Variants in DOCK8 observed in about 807,000 individuals in gnomAD.
DOCK8 encodes the protein dedicator of cytokinesis protein 8.
In DOCK8, 141 loss-of-function variants were observed where a neutral mutation model predicts 245.6. The ratio of observed to expected loss-of-function variants is 0.57; its 90% CI spans 0.50 to 0.66. The LOEUF is 0.66. Among genes scored for constraint, DOCK8 ranks in the 30% least tolerant of loss-of-function variants. DOCK8 has a pLI of 0.00. For missense variants in DOCK8, 2,965 were observed against 2,603.4 expected, an observed-to-expected ratio of 1.14 and a Z score of -3.02; for synonymous variants, 1,168 against 970.2, an observed-to-expected ratio of 1.20 and a Z score of -3.79.
intron 23 of DOCK8, among the ~76,000 whole-genome samples, chr9:388,087 C>A (rs543516715): frequency 7.2e-5 from 11 of 152,340 alleles, no homozygotes; most frequent in African/African-American, 2.6e-4. Context: ...TGTCTAATCT[C>A]TTCTTGCCAT....
chr9:434,854 C>T lies in DOCK8; in HGVS notation c.4958C>T (p.Thr1653Ile), dbSNP rs1401659010. The part of the protein sequence containing the change: ...TWLQNMAEKH[T>I]KKKCYTEAAM... ...CTCCAGAACATGGCAGAGAAACACACCAAGAAGAAGTGCTACACGGAGGCT... is the reference window on the plus strand; with the variant it reads ...CTCCAGAACATGGCAGAGAAACACATCAAGAAGAAGTGCTACACGGAGGCT... Residue 1653 changes from threonine (T) to isoleucine (I), a missense_variant, in exon 39 of 48, where the codon ACC (threonine) becomes ATC (isoleucine). Thr to Ile is a moderately conservative substitution (Grantham distance 89). Coordinates refer to ENST00000432829, the MANE Select transcript of DOCK8 (RefSeq NM_203447.4). The T allele has an allele frequency of 6.2e-7, 1 of 1,614,156 alleles. No individual in the cohort carries two copies. The highest frequency in any genetic ancestry group is 1.7e-5 in the Admixed American group (1 of 60,022).
intron 1 of DOCK8, among the ~76,000 whole-genome samples, chr9:255,183 C>G (rs907198913): frequency 6.6e-6 from 1 of 152,014 alleles, no homozygotes; most frequent in Non-Finnish European, 1.5e-5. Flanking sequence ...TATATGTGCC[C>G]AATTATAAGT....
At position 342,572 on chromosome 9, in the gene DOCK8, C is replaced by T. The variant is rs150257483; in HGVS notation, c.1679+2251C>T. On this transcript the variant is annotated intron_variant, in intron 14 of 47. Transcript: ENST00000432829. ...GCAACCTCCGCCTCACAGGTTCAAA[C>T]GATTCTCCTGACTCAGCTGCCCGAG... Among the ~76,000 whole-genome samples, 495 of 150,804 alleles carry T rather than the reference C, an allele frequency of 3.3e-3. 3 individuals carry two copies. The highest frequency in any genetic ancestry group is 0.011 in the African/African-American group (466 of 41,074).
chr9:286,081 T>G (rs1457501298), intron 2 of DOCK8, among the ~76,000 whole-genome samples: 3 of 152,216 alleles, frequency 2.0e-5, no homozygotes, highest in African/African-American at 7.2e-5. Flanking sequence ...CTCCGTTCCC[T>G]AGTTCACTGT....
At chr9:307,338 G>GTTTTTTTTTTTTTTTTT (rs1165775428) in intron 5 of DOCK8, among the ~76,000 whole-genome samples, 2 of 51,244 alleles carry the variant, frequency 3.9e-5, no homozygotes, top group African/African-American at 5.8e-5. Flanking sequence ...GGTTTTTTTT[G>GTTTTTTTTTTTTTTTTT]TTTTTTTTTT....
intron 1 of DOCK8, among the ~76,000 whole-genome samples, chr9:218,424 C>A (rs549578330): frequency 2.0e-5 from 3 of 152,162 alleles, no homozygotes. Context: ...CTTGTAAGTG[C>A]TATATACTTG....
intron 24 of DOCK8, among the ~76,000 whole-genome samples, chr9:392,553 G>A (rs2054247502): frequency 6.6e-6 from 1 of 152,212 alleles, no homozygotes; most frequent in Non-Finnish European, 1.5e-5. Context: ...TGTCTTCTCA[G>A]GTGACTTCTA....
chr9:234,456 T>TG (rs1342109397), intron 1 of DOCK8, among the ~76,000 whole-genome samples: 2 of 152,230 alleles, frequency 1.3e-5, no homozygotes. Context: ...CTTGCTAGAA[T>TG]GGGGGACTTC....
intron 24 of DOCK8, among the ~76,000 whole-genome samples, chr9:395,272 C>G (rs2054395303): frequency 1.3e-5 from 2 of 152,114 alleles, no homozygotes; most frequent in South Asian, 2.1e-4. Context: ...TAGGTCTTCC[C>G]TGAGCTGGCC....
intron 14 of DOCK8, among the ~76,000 whole-genome samples, chr9:358,277 T>TG (rs1401917272): frequency 1.3e-5 from 2 of 151,994 alleles, no homozygotes; most frequent in Non-Finnish European, 2.9e-5. Flanking sequence ...GTTGTACAGA[T>TG]GGGGTCTCAC....
chr9:307,234 A>G (rs1178374179), intron 5 of DOCK8, among the ~76,000 whole-genome samples: 2 of 151,670 alleles, frequency 1.3e-5, no homozygotes, highest in Non-Finnish European at 2.9e-5. Context: ...GTGAATTTGG[A>G]GCCCAGAAAC....
At chr9:389,818 C>G (rs1351547364) in intron 23 of DOCK8, among the ~76,000 whole-genome samples, 1 of 151,682 alleles carries the variant, frequency 6.6e-6, no homozygotes, top group African/African-American at 2.4e-5. Flanking sequence ...GAGTTTGAGA[C>G]TAAGTGGGCA....
Position 441,346 on chromosome 9 carries a change from C to T in DOCK8, c.5284C>T (p.His1762Tyr). 6.2e-7 allele frequency: 1 copy of T among 1,614,212 alleles called. No individual in the cohort carries two copies. Among genetic ancestry groups the T allele is most frequent in the Non-Finnish European group, 8.5e-7 (1 of 1,180,046 alleles). ...GCTGGTCATCCCCATCCTAGAAGCGCATCGAGAATTCCGGAAGCTGACACT... is the reference window on the plus strand; with the variant it reads ...GCTGGTCATCCCCATCCTAGAAGCGTATCGAGAATTCCGGAAGCTGACACT... Reference protein sequence around the residue: ...YKLVIPILEAHREFRKLTLTH... With the variant: ...YKLVIPILEAYREFRKLTLTH... The change falls in exon 41 of 48, where the codon CAT (histidine) becomes TAT (tyrosine). Residue 1762 changes from histidine (H) to tyrosine (Y), a missense_variant. His to Tyr is a moderately conservative substitution (Grantham distance 83, BLOSUM62 2). Coordinates refer to ENST00000432829, the MANE Select transcript of DOCK8 (RefSeq NM_203447.4).
intron 1 of DOCK8, among the ~76,000 whole-genome samples, chr9:227,858 A>G (rs2047023740): frequency 6.6e-6 from 1 of 152,156 alleles, no homozygotes; most frequent in Non-Finnish European, 1.5e-5. Context: ...AAGAGATACG[A>G]AAAGATAGGA....
chr9:449,519 C>T (rs2057364686), intron 44 of DOCK8, among the ~76,000 whole-genome samples: 1 of 152,172 alleles, frequency 6.6e-6, no homozygotes, highest in Admixed American at 6.5e-5. Flanking sequence ...CCTTACAAAT[C>T]CCCCTTTGAC....
chr9:255,810 CAACA>C (rs1484982424), intron 1 of DOCK8, among the ~76,000 whole-genome samples: 1 of 151,050 alleles, frequency 6.6e-6, no homozygotes, highest in Non-Finnish European at 1.5e-5. Context: ...ATATTTTATA[CAACA>C]AACATAGTAT....
At chr9:256,409 T>A (rs1230766508) in intron 1 of DOCK8, among the ~76,000 whole-genome samples, 6 of 152,190 alleles carry the variant, frequency 3.9e-5, no homozygotes, top group Admixed American at 3.9e-4. Context: ...GGTACCCAAT[T>A]CGTTTCTGCT....
At chr9:334,951 T>C (rs931694304) in intron 11 of DOCK8, among the ~76,000 whole-genome samples, 1 of 151,954 alleles carries the variant, frequency 6.6e-6, no homozygotes, top group Non-Finnish European at 1.5e-5. Context: ...GGTGTGGTGG[T>C]ACACGTCTGT....
At chr9:399,597 C>T (rs1392307793) in intron 26 of DOCK8, among the ~76,000 whole-genome samples, 13 of 152,042 alleles carry the variant, frequency 8.6e-5, no homozygotes, top group Admixed American at 5.2e-4. Context: ...CAAGTCCTTG[C>T]GCTCCCAGTC....
Sources: allele counts gnomAD v4.1 joint callset (sites outside exome capture counted in the v4.1 genomes callset), GRCh38; gene constraint gnomAD v4.1.1; transcripts MANE v1.5; gene names NCBI Gene and HGNC (gene_info 2026-07-23, HGNC 2026-07-21).